The following RHAG variants were observed in gnomAD, a reference collection of about 807,000 sequenced individuals.
The protein encoded by RHAG is ammonium transporter Rh type A.
A neutral mutation model predicts 42.4 loss-of-function variants in RHAG; 25 were observed. The observed-to-expected ratio is 0.59, with a 90% CI of 0.43 to 0.82. The LOEUF is 0.82. Among genes scored for constraint, RHAG ranks in the 40% least tolerant of loss-of-function variants. The probability of loss-of-function intolerance (pLI) is 0.00; values close to 1 mark genes in which losing one functional copy is unlikely to be tolerated. For synonymous variants in RHAG, 182 were observed against 177.7 expected, an observed-to-expected ratio of 1.02 and a Z score of -0.19; for missense variants, 483 against 504.6, an observed-to-expected ratio of 0.96 and a Z score of 0.41.
At position 49,619,206 on chromosome 6, in the gene RHAG, C is replaced by G. The variant is rs1262563555; in HGVS notation, c.314G>C (p.Gly105Ala). The G allele has an allele frequency of 6.2e-7, 1 of 1,614,078 alleles. No homozygotes were observed. Among genetic ancestry groups the G allele is most frequent in the Non-Finnish European group, 8.5e-7 (1 of 1,179,966 alleles). ...TTTGATTCCAATGTTAAATTTCTGT[C>G]CCTGGCTTTGCAGGATTCCCTGTAC... ...TIVQGILQSQ[G>A]QKFNIGIKNM... Residue 105 changes from glycine (G) to alanine (A), a missense_variant, in exon 2 of 10, where the codon GGA (glycine) becomes GCA (alanine). Coordinates refer to ENST00000371175, the MANE Select transcript of RHAG (RefSeq NM_000324.3).
At chr6:49,613,718 AT>A (rs1241108049) in intron 5 of RHAG, among the ~76,000 whole-genome samples, 1 of 152,206 alleles carries the variant, frequency 6.6e-6, no homozygotes, top group Non-Finnish European at 1.5e-5. Context: ...AATTTAAAAA[AT>A]ATTTTATTTT....
At chr6:49,633,083 C>A (rs1762957357) in intron 1 of RHAG, among the ~76,000 whole-genome samples, 1 of 152,168 alleles carries the variant, frequency 6.6e-6, no homozygotes, top group South Asian at 2.1e-4. Context: ...TAATTCCCTT[C>A]TCTACTGTTT....
chr6:49,626,385 C>G (rs1186082805), intron 1 of RHAG, among the ~76,000 whole-genome samples: 1 of 152,200 alleles, frequency 6.6e-6, no homozygotes, highest in Non-Finnish European at 1.5e-5. Context: ...AGCCTGAAAT[C>G]CAATGGGCAG....
At chr6:49,612,373 A>C (rs1762582583) in intron 6 of RHAG, 24 bp downstream of exon 6, 2 of 1,613,494 alleles carry the variant, frequency 1.2e-6, no homozygotes, top group Admixed American at 3.3e-5. Context: ...TCAGAGTTTG[A>C]CTCAGAACAT....
At chr6:49,606,671 A>C in intron 9 of RHAG, 177 bp downstream of exon 9, 1 of 601,296 alleles carries the variant, frequency 1.7e-6, no homozygotes, top group Non-Finnish European at 3.0e-6. Flanking sequence ...CCTGGCATCA[A>C]ACAATCCTCC....
At position 49,625,120 on chromosome 6, in the gene RHAG, A is replaced by G. The variant is rs534721795; in HGVS notation, c.158-5758T>C. Among the ~76,000 whole-genome samples the G allele has an allele frequency of 2.3e-4, 35 of 152,386 alleles. No individual in the cohort carries two copies. The South Asian group carries it at 2.9e-3, about 13-fold the overall frequency. On this transcript the variant is annotated intron_variant, in intron 1 of 9. Coordinates refer to ENST00000371175, the MANE Select transcript of RHAG (RefSeq NM_000324.3). The stretch of plus-strand genomic sequence containing the variant: ...TTTCACTGAGTGAACTCATTTTCCC[A>G]CAAAGAATACATTCTCACCCTTTAA...
At position 49,606,915 on chromosome 6, in the gene RHAG, A is replaced by G; in HGVS notation, c.1145T>C (p.Ile382Thr). The change falls in exon 9 of 10, where the codon ATT (isoleucine) becomes ACT (threonine). Residue 382 changes from isoleucine (I) to threonine (T), a missense_variant. Transcript: ENST00000371175. ...AVVGGLMTGL[I>T]LKLPLWGQPS... The stretch of plus-strand genomic sequence containing the variant: ...CTGTCCCCAGAGAGGCAACTTTAGA[A>G]TTAAACCTGTGACGGTAGAGGGAAA... 1 of 1,610,134 alleles carries G rather than the reference A, an allele frequency of 6.2e-7. No individual in the cohort carries two copies. The highest frequency in any genetic ancestry group is 8.5e-7 in the Non-Finnish European group (1 of 1,176,458).
intron 7 of RHAG, among the ~76,000 whole-genome samples, chr6:49,608,825 T>A (rs2127349896): frequency 6.6e-6 from 1 of 152,326 alleles, no homozygotes; most frequent in Non-Finnish European, 1.5e-5. Flanking sequence ...CTTGTTTTAA[T>A]TTGCATTTCT....
intron 6 of RHAG, among the ~76,000 whole-genome samples, chr6:49,612,059 A>G (rs1762578012): frequency 6.6e-6 from 1 of 152,040 alleles, no homozygotes; most frequent in Non-Finnish European, 1.5e-5. Flanking sequence ...GACATCCTAA[A>G]TCTCTTAAAA....
In RHAG at chr6:49,614,714, T is replaced by C. The variant is rs184879909; in HGVS notation, c.780A>G (p.Leu260=). The C allele has an allele frequency of 6.2e-7, 1 of 1,613,948 alleles. No homozygotes were observed. The highest frequency in any genetic ancestry group is 2.2e-5 in the East Asian group (1 of 44,858). The change falls in exon 5 of 10, where the codon CTA becomes CTG. Residue 260 remains leucine, a synonymous_variant. Coordinates refer to ENST00000371175, the MANE Select transcript of RHAG (RefSeq NM_000324.3). ...CVLTAFAFSS[L]VEHRGKLNMV... ...TGTTGAGCTTGCCTCGGTGCTCCAC[T>C]AGGCTGGAGAAGGCAAAGGCTGTGA...
chr6:49,621,077 G>A (rs1242728790), intron 1 of RHAG, among the ~76,000 whole-genome samples: 7 of 152,168 alleles, frequency 4.6e-5, no homozygotes, highest in Non-Finnish European at 7.3e-5. Context: ...ACACAGAGAC[G>A]TTACTGCTTC....
Position 49,605,455 on chromosome 6 carries a change from G to T in RHAG, c.*358C>A. ...TGGGTTTCAGTTTTATAATTTTTGG[G>T]ATTGAAGACATAGTGTCTACATTAA... is the stretch of plus-strand genomic sequence containing the variant. On this transcript the variant is annotated 3_prime_UTR_variant, in exon 10 of 10. Transcript: ENST00000371175. 1 of 277,740 alleles carries T rather than the reference G, an allele frequency of 3.6e-6. No homozygotes were observed. Among genetic ancestry groups the T allele is most frequent in the Non-Finnish European group, 6.9e-6 (1 of 144,258 alleles). The allele number at this position is 277,740 out of a possible 1,614,324, so 17.2% of individuals were successfully genotyped here.
Position 49,607,203 on chromosome 6 carries a change from G to T in RHAG, c.1085C>A (p.Ala362Glu), listed in dbSNP as rs1327883064. The T allele has an allele frequency of 2.5e-6, 4 of 1,613,524 alleles. No individual in the cohort carries two copies. The highest frequency in any genetic ancestry group is 3.4e-6 in the Non-Finnish European group (4 of 1,179,704). ...GASNTSMAMQ[A>E]AALGSSIGTA... ...TCCGATAGAGGAACCCAGTGCAGCT[G>T]CCTGCATGGCCATAGACCTAAGGAA... The change falls in exon 8 of 10, where the codon GCA becomes GAA. Residue 362 changes from alanine (A) to glutamate (E), a missense_variant. Ala to Glu is a moderately radical substitution (Grantham distance 107). Coordinates refer to ENST00000371175, the MANE Select transcript of RHAG (RefSeq NM_000324.3).
At position 49,607,079 on chromosome 6, in the gene RHAG, G is replaced by A. The variant is rs528334680; in HGVS notation, c.1138+71C>T. 25 of 1,381,712 alleles carry A rather than the reference G, an allele frequency of 1.8e-5. No homozygotes were observed. In the East Asian group the frequency reaches 5.3e-4, roughly 29 times the overall value. 85.6% of individuals were successfully genotyped at this position (1,381,712 alleles called of 1,614,324 possible). A position where few individuals can be genotyped will look rare whatever the true frequency, so the allele number is the denominator to read the frequency against. ...CATTTTTGAATTTAGCAATTGACTT[G>A]CTCATTAATTATCTATTGTAAATAA... On this transcript the variant is annotated intron_variant, in intron 8 of 9. Transcript: ENST00000371175.
chr6:49,616,279 G>T (rs1462030627), intron 3 of RHAG, among the ~76,000 whole-genome samples: 2 of 141,760 alleles, frequency 1.4e-5, no homozygotes, highest in Non-Finnish European at 3.0e-5. Context: ...GAGCCTAGGA[G>T]TTTGAGGTTA....
intron 7 of RHAG, among the ~76,000 whole-genome samples, chr6:49,609,180 T>A (rs1213738818): frequency 1.3e-5 from 2 of 152,210 alleles, no homozygotes; most frequent in African/African-American, 4.8e-5. Flanking sequence ...GTGTGAGATA[T>A]GTAAATTTTA....
chr6:49,627,320 T>A (rs1385415298), intron 1 of RHAG, among the ~76,000 whole-genome samples: 1 of 152,188 alleles, frequency 6.6e-6, no homozygotes, highest in Non-Finnish European at 1.5e-5. Context: ...AGTTCAAAGT[T>A]CTGCAGATCT....
In RHAG at chr6:49,619,203, T is replaced by C; in HGVS notation, c.317A>G (p.Gln106Arg). The C allele has an allele frequency of 1.2e-6, 2 of 1,614,122 alleles. No homozygotes were observed. The highest frequency in any genetic ancestry group is 1.7e-6 in the Non-Finnish European group (2 of 1,179,966). The change falls in exon 2 of 10, where the codon CAG becomes CGG. Residue 106 changes from glutamine to arginine, a missense_variant. By Grantham distance (43) the Gln-to-Arg change is conservative. Coordinates refer to ENST00000371175, the MANE Select transcript of RHAG (RefSeq NM_000324.3). ...IVQGILQSQG[Q>R]KFNIGIKNMI... Reference sequence around the variant, plus strand: ...CTTTTTGATTCCAATGTTAAATTTCTGTCCCTGGCTTTGCAGGATTCCCTG... The same window carrying C: ...CTTTTTGATTCCAATGTTAAATTTCCGTCCCTGGCTTTGCAGGATTCCCTG...
intron 1 of RHAG, 38 bp downstream of exon 1, chr6:49,636,618 C>A (rs117229095): frequency 1.9e-6 from 3 of 1,609,118 alleles, no homozygotes; most frequent in East Asian, 4.5e-5. Flanking sequence ...AACCGAAGAA[C>A]CGAAAAATGT....
Sources: gnomAD v4.1 joint callset for allele counts (sites outside exome capture counted in the v4.1 genomes callset) on GRCh38, gnomAD v4.1.1 for gene constraint, MANE v1.5 for transcripts, NCBI Gene and HGNC (gene_info 2026-07-23, HGNC 2026-07-21) for gene names.